Variants in VDAC1 observed in about 807,000 individuals in gnomAD.
VDAC1 encodes voltage dependent anion channel 1.
A neutral mutation model predicts 34.7 loss-of-function variants in VDAC1; 10 were observed. That is an observed-to-expected ratio of 0.29 (90% CI 0.18 to 0.49). The LOEUF (loss-of-function observed/expected upper bound fraction) is 0.49. Among genes scored for constraint, VDAC1 ranks in the 20% least tolerant of loss-of-function variants. The pLI, the probability that VDAC1 is intolerant of heterozygous loss-of-function variation, is 0.99. For synonymous variants in VDAC1, 130 were observed against 136.0 expected, an observed-to-expected ratio of 0.96 and a Z score of 0.30; for missense variants, 230 against 347.9, an observed-to-expected ratio of 0.66 and a Z score of 2.69.
chr5:133,990,678 G>C (rs1336040761), intron 5 of VDAC1, among the ~76,000 whole-genome samples, 177 bp downstream of exon 5: 1 of 152,166 alleles, frequency 6.6e-6, no homozygotes, highest in Non-Finnish European at 1.5e-5. Flanking sequence ...TAGTCTGTTA[G>C]TGCATAGATG....
At chr5:133,978,818 A>G (rs988285434) in intron 6 of VDAC1, among the ~76,000 whole-genome samples, 1 of 152,046 alleles carries the variant, frequency 6.6e-6, no homozygotes, top group African/African-American at 2.4e-5. Context: ...TTCAAGAACA[A>G]CCTGGGCAAC....
the VDAC1 span, among the ~76,000 whole-genome samples, chr5:134,109,419 C>T: frequency 6.6e-6 from 1 of 152,226 alleles, no homozygotes; most frequent in Admixed American, 6.5e-5. Flanking sequence ...TTTGTGACGC[C>T]GCTTGTCTCT....
the VDAC1 span, among the ~76,000 whole-genome samples, chr5:134,062,397 T>C: frequency 6.6e-6 from 1 of 151,874 alleles, no homozygotes; most frequent in East Asian, 1.9e-4. Context: ...ATTTGGCAAA[T>C]TACTTTAGGT....
At chr5:134,062,799 G>GT in the VDAC1 span, among the ~76,000 whole-genome samples, 7 of 151,288 alleles carry the variant, frequency 4.6e-5, no homozygotes, top group South Asian at 2.1e-4. Flanking sequence ...GCTAATTTTT[G>GT]TTTTTTTAGT....
chr5:134,057,493 T>TTATATCTATATC, the VDAC1 span, among the ~76,000 whole-genome samples: 13,316 of 134,456 alleles, frequency 0.099, 793 homozygotes, highest in South Asian at 0.23. Flanking sequence ...AAAAAAAAAT[T>TTATATCTATATC]TATATCTATA....
At chr5:134,071,061 A>C in the VDAC1 span, among the ~76,000 whole-genome samples, 1 of 152,180 alleles carries the variant, frequency 6.6e-6, no homozygotes, top group Non-Finnish European at 1.5e-5. The surrounding 1 kb of genome is among the most constrained non-coding windows in gnomAD (Gnocchi z 4.1). Flanking sequence ...TCCCACCCTG[A>C]GTCCCGAGGG....
chr5:134,107,652 G>T, the VDAC1 span, among the ~76,000 whole-genome samples: 1 of 152,206 alleles, frequency 6.6e-6, no homozygotes. Context: ...AAAGGCAGCT[G>T]CTTGCTCAGG....
chr5:133,973,428 C>A (rs1193767978), intron 8 of VDAC1, among the ~76,000 whole-genome samples: 7 of 152,208 alleles, frequency 4.6e-5, no homozygotes, highest in African/African-American at 1.7e-4. Flanking sequence ...AGGAAACCTG[C>A]AAACCACTTT....
chr5:134,016,690 TGAAAAATA>T, the VDAC1 span, among the ~76,000 whole-genome samples: 6 of 152,088 alleles, frequency 3.9e-5, no homozygotes, highest in Non-Finnish European at 1.5e-5. Context: ...ACAGGGAGCA[TGAAAAATA>T]GAAAAATAAA....
the VDAC1 span, among the ~76,000 whole-genome samples, chr5:134,072,998 G>T: frequency 6.6e-6 from 1 of 152,200 alleles, no homozygotes; most frequent in African/African-American, 2.4e-5. Flanking sequence ...GTCGCTCACT[G>T]CACGGGGGTG....
chr5:133,996,479 C>T (rs192299860), intron 1 of VDAC1, among the ~76,000 whole-genome samples: 61 of 152,152 alleles, frequency 4.0e-4, no homozygotes, highest in African/African-American at 1.4e-3. Flanking sequence ...ACTTACGTAA[C>T]CTCTGTCTTG....
intron 1 of VDAC1, among the ~76,000 whole-genome samples, chr5:133,999,399 A>C (rs1382553112): frequency 6.6e-6 from 1 of 152,184 alleles, no homozygotes; most frequent in Non-Finnish European, 1.5e-5. Context: ...AAATGGCAGT[A>C]ATAACCATAA....
At chr5:134,055,886 TG>T in the VDAC1 span, among the ~76,000 whole-genome samples, 1 of 151,862 alleles carries the variant, frequency 6.6e-6, no homozygotes, top group Non-Finnish European at 1.5e-5. Flanking sequence ...CCTATGGGCG[TG>T]CAAGCACACA....
At chr5:134,092,862 G>A in the VDAC1 span, among the ~76,000 whole-genome samples, 51 of 152,256 alleles carry the variant, frequency 3.3e-4, no homozygotes, top group Non-Finnish European at 6.0e-4. Context: ...AGATTTGCAC[G>A]CAAGTCTTCC....
chr5:134,051,324 G>C, the VDAC1 span, among the ~76,000 whole-genome samples: 1 of 152,236 alleles, frequency 6.6e-6, no homozygotes, highest in East Asian at 1.9e-4. Context: ...ACCCACAGTG[G>C]GCTAGGCCTG....
chr5:134,030,698 C>G, the VDAC1 span, among the ~76,000 whole-genome samples: 1 of 151,948 alleles, frequency 6.6e-6, no homozygotes, highest in African/African-American at 2.4e-5. Context: ...ACCTCCATCT[C>G]CCAGGTTCAA....
chr5:134,100,649 T>C, the VDAC1 span, among the ~76,000 whole-genome samples: 3 of 152,186 alleles, frequency 2.0e-5, no homozygotes, highest in Non-Finnish European at 4.4e-5. Context: ...AGAATTACAG[T>C]GTGAAAAACC....
the VDAC1 span, among the ~76,000 whole-genome samples, chr5:134,114,510 A>C: frequency 1.3e-5 from 2 of 151,966 alleles, no homozygotes; most frequent in African/African-American, 4.8e-5. Context: ...GAGAAGGGTG[A>C]TCATTCCCAG....
upstream of VDAC1, among the ~76,000 whole-genome samples, chr5:134,006,825 G>A (rs1026408616): frequency 8.0e-5 from 12 of 149,112 alleles, no homozygotes; most frequent in African/African-American, 1.5e-4. Flanking sequence ...CCCTTCGCCA[G>A]CTCCCCTAGG....
Sources: allele counts gnomAD v4.1 joint callset (sites outside exome capture counted in the v4.1 genomes callset), GRCh38; gene constraint gnomAD v4.1.1; non-coding constraint Gnocchi (gnomAD v3.1); transcripts MANE v1.5; gene names NCBI Gene and HGNC (gene_info 2026-07-23, HGNC 2026-07-21).